The following GALM variants were observed in gnomAD, a reference collection of about 807,000 sequenced individuals.
GALM encodes galactose mutarotase.
A neutral mutation model predicts 37.4 loss-of-function variants in GALM; 43 were observed. That is an observed-to-expected ratio of 1.15 (90% confidence interval 0.90 to 1.48). The LOEUF (loss-of-function observed/expected upper bound fraction) is 1.48. GALM is among the 40% of genes most tolerant of loss of function. The pLI is 0.00. For synonymous variants in GALM, 199 were observed against 170.6 expected, an observed-to-expected ratio of 1.17 and a Z score of -1.30; for missense variants, 456 against 419.1, an observed-to-expected ratio of 1.09 and a Z score of -0.77.
At chr2:38,689,290 G>T (rs1665615040) in intron 3 of GALM, among the ~76,000 whole-genome samples, 1 of 152,184 alleles carries the variant, frequency 6.6e-6, no homozygotes, top group African/African-American at 2.4e-5. Flanking sequence ...GAGGAGGTGG[G>T]CAAATTCTCA....
intron 4 of GALM, among the ~76,000 whole-genome samples, chr2:38,696,082 T>A (rs906220746): frequency 2.0e-5 from 3 of 152,060 alleles, no homozygotes; most frequent in African/African-American, 7.2e-5. Context: ...GAGAAAAGCC[T>A]CTATTATTGT....
At chr2:38,676,334 G>C (rs1320175351) in intron 2 of GALM, among the ~76,000 whole-genome samples, 1 of 152,204 alleles carries the variant, frequency 6.6e-6, no homozygotes, top group Non-Finnish European at 1.5e-5. Flanking sequence ...TCACAGTGTT[G>C]AGATCAGGGA....
At chr2:38,716,317 A>C (rs1283823387) in intron 4 of GALM, among the ~76,000 whole-genome samples, 1 of 152,242 alleles carries the variant, frequency 6.6e-6, no homozygotes, top group Non-Finnish European at 1.5e-5. Flanking sequence ...GTCCAGAAGG[A>C]GGCCCTGGTG....
chr2:38,688,653 A>G (rs79021040), intron 3 of GALM, among the ~76,000 whole-genome samples: 3,607 of 152,308 alleles, frequency 0.024, 133 homozygotes, highest in African/African-American at 0.082. Context: ...TTCTGGTGTG[A>G]AGCTTTAAAA....
At chr2:38,670,734 C>G (rs1488949886) in intron 1 of GALM, among the ~76,000 whole-genome samples, 2 of 152,146 alleles carry the variant, frequency 1.3e-5, no homozygotes, top group African/African-American at 4.8e-5. Flanking sequence ...ATCTCTGACT[C>G]TACTAGAACT....
Position 38,675,983 on chromosome 2 carries a change from T to G in GALM, c.262T>G (p.Phe88Val). The change falls in exon 2 of 7, where the codon TTC (phenylalanine) becomes GTC (valine). Residue 88 changes from phenylalanine (F) to valine (V), a missense_variant. Phe to Val is a conservative substitution (Grantham distance 50, BLOSUM62 -1). Coordinates refer to ENST00000272252, the MANE Select transcript of GALM (RefSeq NM_138801.3). Reference sequence around the variant, plus strand: ...GGCCAACCGAATCGCCAAAGGAACCTTCAAGGTGGATGGGAAGGAGTATCA... The same window carrying G: ...GGCCAACCGAATCGCCAAAGGAACCGTCAAGGTGGATGGGAAGGAGTATCA... ...RVANRIAKGTFKVDGKEYHLA... is the reference protein window; with the variant it reads ...RVANRIAKGTVKVDGKEYHLA... 1 of 1,614,052 alleles carries G rather than the reference T, an allele frequency of 6.2e-7. No individual in the cohort carries two copies. The highest frequency in any genetic ancestry group is 8.5e-7 in the Non-Finnish European group (1 of 1,179,994).
Position 38,714,458 on chromosome 2 carries a change from G to A in GALM, c.635-15098G>A, listed in dbSNP as rs577063608. On this transcript the variant is annotated intron_variant, in intron 4 of 6. Transcript: ENST00000272252. ...TTGAACTCCTGACCTCAAGTGATCC[G>A]CCCACCTCAGCCTGCAAAAGTACTG... Among the ~76,000 whole-genome samples the A allele has an allele frequency of 3.9e-5, 6 of 152,094 alleles. No individual in the cohort carries two copies. In the East Asian group the frequency reaches 1.2e-3, roughly 29 times the overall value.
intron 4 of GALM, among the ~76,000 whole-genome samples, chr2:38,692,306 A>G (rs1165041291): frequency 1.3e-5 from 2 of 152,194 alleles, no homozygotes; most frequent in African/African-American, 2.4e-5. Flanking sequence ...AACTTCCTCC[A>G]AAAATGGGTG....
intron 1 of GALM, among the ~76,000 whole-genome samples, chr2:38,673,575 C>T (rs1572509826): frequency 6.6e-6 from 1 of 152,080 alleles, no homozygotes; most frequent in Non-Finnish European, 1.5e-5. Flanking sequence ...TAATATGGGG[C>T]CGGGGCGGGT....
intron 6 of GALM, among the ~76,000 whole-genome samples, chr2:38,732,621 T>G (rs1411161628): frequency 6.6e-6 from 1 of 152,120 alleles, no homozygotes; most frequent in African/African-American, 2.4e-5. Flanking sequence ...CAGCCCACAA[T>G]AAGAAGCTTG....
At chr2:38,669,641 C>T (rs11689051) in intron 1 of GALM, 36,376 of 151,984 alleles carry the variant, frequency 0.24, 6,471 homozygotes, top group African/African-American at 0.49. Flanking sequence ...TCCCAGCACT[C>T]TGGGTGGGTG....
intron 4 of GALM, among the ~76,000 whole-genome samples, chr2:38,713,243 A>C (rs1012004647): frequency 1.3e-5 from 2 of 152,202 alleles, no homozygotes; most frequent in African/African-American, 2.4e-5. Context: ...TGTTCCCCTC[A>C]TGAAATCATC....
chr2:38,714,440 C>G (rs1282510411), intron 4 of GALM, among the ~76,000 whole-genome samples: 2 of 152,116 alleles, frequency 1.3e-5, no homozygotes, highest in East Asian at 3.9e-4. Context: ...GTCTTGAACT[C>G]CTGACCTCAA....
At chr2:38,680,863 C>G (rs77031575) in intron 2 of GALM, among the ~76,000 whole-genome samples, 1 of 152,080 alleles carries the variant, frequency 6.6e-6, no homozygotes, top group African/African-American at 2.4e-5. Flanking sequence ...GGACCAGGTG[C>G]GGTGGCTCAT....
At position 38,689,910 on chromosome 2, in the gene GALM, C is replaced by T; in HGVS notation, c.634+16C>T. On this transcript the variant is annotated intron_variant, in intron 4 of 6. Transcript: ENST00000272252. ...ATTCCTACAGGTTGGTGAATTTAAC[C>T]TTTTTGTGTTATGTGGGATCATGGA... is the stretch of plus-strand genomic sequence containing the variant. The T allele has an allele frequency of 2.0e-6, 3 of 1,516,490 alleles. No homozygotes were observed. The highest frequency in any genetic ancestry group is 9.1e-7 in the Non-Finnish European group (1 of 1,097,828). 93.9% of individuals were successfully genotyped at this position (1,516,490 alleles called of 1,614,324 possible).
At chr2:38,706,048 C>T (rs1411848554) in intron 4 of GALM, among the ~76,000 whole-genome samples, 1 of 151,856 alleles carries the variant, frequency 6.6e-6, no homozygotes, top group Non-Finnish European at 1.5e-5. Context: ...CTCTGTTGCC[C>T]AAGCTGGAGT....
chr2:38,674,972 C>T (rs960619067), intron 1 of GALM, among the ~76,000 whole-genome samples: 2 of 152,168 alleles, frequency 1.3e-5, no homozygotes, highest in East Asian at 1.9e-4. Flanking sequence ...GTCAGGAGTT[C>T]GAGACCAGCC....
Position 38,675,965 on chromosome 2 carries a change from C to T in GALM, c.244C>T (p.Arg82Ter), listed in dbSNP as rs115413295. The change falls in exon 2 of 7, where the codon CGA becomes TGA. Residue 82 changes from arginine (R) to a stop codon, truncating the protein, a stop_gained. Transcript: ENST00000272252. LOFTEE classifies it high-confidence loss of function. Reference sequence around the variant, plus strand: ...AGCAGTTATTGGGAGGGTGGCCAACCGAATCGCCAAAGGAACCTTCAAGGT... The same window carrying T: ...AGCAGTTATTGGGAGGGTGGCCAACTGAATCGCCAAAGGAACCTTCAAGGT... ...FGAVIGRVAN[R>*]IAKGTFKVDG... 2.0e-5 allele frequency: 32 copies of T among 1,613,970 alleles called. No homozygotes were observed. The Admixed American group carries it at 2.0e-4, about 10-fold the overall frequency.
intron 5 of GALM, among the ~76,000 whole-genome samples, chr2:38,730,458 G>T (rs970991286): frequency 4.6e-5 from 7 of 151,932 alleles, no homozygotes; most frequent in Non-Finnish European, 7.4e-5. Context: ...GTAGAGATGG[G>T]GTTTCACAAT....
Sources: gnomAD v4.1 joint callset for allele counts (sites outside exome capture counted in the v4.1 genomes callset) on GRCh38, gnomAD v4.1.1 for gene constraint, MANE v1.5 for transcripts, NCBI Gene and HGNC (gene_info 2026-07-23, HGNC 2026-07-21) for gene names.